The following LCORL variants were observed in gnomAD, a reference collection of about 807,000 sequenced individuals.
LCORL encodes ligand dependent nuclear receptor corepressor like.
A neutral mutation model predicts 141.8 loss-of-function variants in LCORL; 41 were observed. That is an observed-to-expected ratio of 0.29 (90% CI 0.23 to 0.38). The LOEUF is 0.38. Ranked by LOEUF, LCORL falls within the 10% of genes least tolerant of loss-of-function variation. The probability of loss-of-function intolerance (pLI) is 1.00; values close to 1 mark genes in which losing one functional copy is unlikely to be tolerated. For missense variants in LCORL, 1,759 were observed against 2,035.0 expected, an observed-to-expected ratio of 0.86 and a Z score of 2.61; for synonymous variants, 618 against 694.1, an observed-to-expected ratio of 0.89 and a Z score of 1.72.
intron 2 of LCORL, 86 bp downstream of exon 2, chr4:17,972,734 A>T: frequency 2.2e-6 from 1 of 453,298 alleles, no homozygotes. Flanking sequence ...ATTCATGTTT[A>T]ATATAAAGTT....
rs527417651 is a variant in LCORL at position 17,891,726 on chromosome 4, T to C, written c.683-5565A>G. Among the ~76,000 whole-genome samples, 10 of 152,342 alleles carry C rather than the reference T, an allele frequency of 6.6e-5. No homozygotes were observed. In the South Asian group the frequency reaches 1.9e-3, roughly 28 times the overall value. On this transcript the variant is annotated intron_variant, in intron 5 of 7. Coordinates refer to ENST00000635767, the Ensembl canonical transcript of LCORL. The stretch of plus-strand genomic sequence containing the variant: ...AAAAGGTACGATATAAAATTTGATA[T>C]ACAGATGATGTAAATATGTTTTGCA...
chr4:17,986,829 G>A (rs1157997481), intron 1 of LCORL, among the ~76,000 whole-genome samples: 1 of 151,992 alleles, frequency 6.6e-6, no homozygotes, highest in Non-Finnish European at 1.5e-5. Flanking sequence ...TTCAGGCATA[G>A]TTTTATGTAT....
intron 1 of LCORL, among the ~76,000 whole-genome samples, chr4:18,013,495 T>C (rs1724125243): frequency 6.6e-6 from 1 of 152,206 alleles, no homozygotes; most frequent in South Asian, 2.1e-4. Context: ...ATGGCAAACA[T>C]TTGAGGACAG....
At chr4:17,953,300 T>C (rs1384384141) in intron 4 of LCORL, among the ~76,000 whole-genome samples, 1 of 152,214 alleles carries the variant, frequency 6.6e-6, no homozygotes, top group Non-Finnish European at 1.5e-5. Context: ...GTTCTGTTTT[T>C]AGCTCTTTGA....
chr4:17,988,276 T>A (rs1358246116), intron 1 of LCORL, among the ~76,000 whole-genome samples: 1 of 152,130 alleles, frequency 6.6e-6, no homozygotes, highest in Non-Finnish European at 1.5e-5. Context: ...TATGTCTTTA[T>A]CAGCAGTGTG....
intron 2 of LCORL, among the ~76,000 whole-genome samples, 187 bp downstream of exon 2, chr4:17,972,633 A>G (rs965318711): frequency 6.6e-6 from 1 of 151,656 alleles, no homozygotes; most frequent in Admixed American, 6.6e-5. Context: ...TTGATTTAGT[A>G]TATAAAATTT....
exon 8 of LCORL, chr4:17,841,315 G>A (rs1312617854): frequency 6.6e-6 from 1 of 151,942 alleles, no homozygotes; most frequent in Non-Finnish European, 1.5e-5. Flanking sequence ...CCACCCATGA[G>A]CCAACCATGA....
At chr4:17,933,158 G>T (rs1736318973) in intron 4 of LCORL, among the ~76,000 whole-genome samples, 1 of 151,940 alleles carries the variant, frequency 6.6e-6, no homozygotes, top group African/African-American at 2.4e-5. Context: ...TTGTTATTCT[G>T]TGTCAATAAT....
intron 4 of LCORL, among the ~76,000 whole-genome samples, chr4:17,958,126 TA>T (rs1289179303): frequency 6.6e-6 from 1 of 151,648 alleles, no homozygotes; most frequent in African/African-American, 2.4e-5. Flanking sequence ...CACGGGAAAA[TA>T]AAAAGGTTTT....
intron 1 of LCORL, among the ~76,000 whole-genome samples, chr4:17,999,555 T>C (rs576293813): frequency 3.3e-5 from 5 of 152,276 alleles, no homozygotes; most frequent in Admixed American, 6.5e-5. Context: ...ATGTGGTCTG[T>C]TGTTGACCAA....
chr4:17,876,776 A>C, exon 7 of LCORL: 5 of 1,230,806 alleles, frequency 4.1e-6, no homozygotes, highest in Non-Finnish European at 5.1e-6. Context: ...TTCCATCTGC[A>C]GATTTCTCCT....
intron 4 of LCORL, among the ~76,000 whole-genome samples, chr4:17,933,124 ACTTT>A (rs149153061): frequency 0.07 from 10,649 of 152,172 alleles, 1,284 homozygotes; most frequent in African/African-American, 0.24. Context: ...AAATTATCAT[ACTTT>A]TACCAGGATG....
exon 8 of LCORL, chr4:17,843,644 C>T: frequency 2.7e-6 from 1 of 375,886 alleles, no homozygotes; most frequent in Non-Finnish European, 5.0e-6. Flanking sequence ...AGATTTATCA[C>T]AATCTGAGGT....
chr4:17,883,599 G>A, intron 6 of LCORL: 1 of 1,369,844 alleles, frequency 7.3e-7, no homozygotes. Context: ...TCTCCTGTCA[G>A]AGTGAGCATT....
exon 8 of LCORL, chr4:17,842,532 C>T: frequency 1.6e-6 from 1 of 619,796 alleles, no homozygotes; most frequent in Non-Finnish European, 2.8e-6. Context: ...TCTAAAATTC[C>T]ATCATCAAGA....
intron 5 of LCORL, among the ~76,000 whole-genome samples, chr4:17,908,238 G>A (rs1435606913): frequency 1.3e-5 from 2 of 152,034 alleles, no homozygotes; most frequent in Non-Finnish European, 2.9e-5. Context: ...CTCCATGTTG[G>A]TCAGGCTGGT....
chr4:17,858,737 A>G (rs1326130077), intron 7 of LCORL, among the ~76,000 whole-genome samples: 2 of 151,286 alleles, frequency 1.3e-5, no homozygotes, highest in Non-Finnish European at 2.9e-5. Context: ...TCAAATAATA[A>G]TAATAATAAT....
At chr4:17,962,923 A>G in intron 3 of LCORL, 47 bp downstream of exon 3, 1 of 1,009,222 alleles carries the variant, frequency 9.9e-7, no homozygotes, top group East Asian at 2.7e-5. Flanking sequence ...AAACTGTGTT[A>G]CAATTGTGCA....
chr4:17,924,406 T>C (rs1734786843), intron 4 of LCORL, among the ~76,000 whole-genome samples: 1 of 152,184 alleles, frequency 6.6e-6, no homozygotes, highest in South Asian at 2.1e-4. Context: ...AAGGCTGACC[T>C]GGCTACGGCC....
Sources: allele counts gnomAD v4.1 joint callset (sites outside exome capture counted in the v4.1 genomes callset), GRCh38; gene constraint gnomAD v4.1.1; transcripts MANE v1.5; gene names NCBI Gene and HGNC (gene_info 2026-07-23, HGNC 2026-07-21).